The following PDGFD variants were observed in gnomAD, a reference collection of about 807,000 sequenced individuals.
PDGFD encodes the protein platelet-derived growth factor D.
A neutral mutation model predicts 44.7 loss-of-function variants in PDGFD; 30 were observed. The observed-to-expected ratio is 0.67, with a 90% CI of 0.50 to 0.91. The LOEUF (loss-of-function observed/expected upper bound fraction) is 0.91, where lower values mean the gene tolerates loss of function less well. PDGFD is among the 40% of genes least tolerant of loss of function. PDGFD has a pLI of 0.00. For missense variants in PDGFD, 445 were observed against 457.8 expected, an observed-to-expected ratio of 0.97 and a Z score of 0.25; for synonymous variants, 173 against 168.4, an observed-to-expected ratio of 1.03 and a Z score of -0.21.
chr11:104,037,516 G>A, intron 1 of PDGFD: 2 of 1,614,148 alleles, frequency 1.2e-6, no homozygotes, highest in Non-Finnish European at 1.7e-6. Context: ...TATAGCGATA[G>A]AAGAGGCCCC....
intron 1 of PDGFD, among the ~76,000 whole-genome samples, chr11:104,007,105 T>A (rs1264859574): frequency 6.6e-6 from 1 of 152,090 alleles, no homozygotes; most frequent in Non-Finnish European, 1.5e-5. Context: ...GGGGTTTGAG[T>A]GTGCATGACA....
intron 1 of PDGFD, among the ~76,000 whole-genome samples, chr11:104,065,885 A>T (rs1158873584): frequency 6.6e-6 from 1 of 152,192 alleles, no homozygotes; most frequent in African/African-American, 2.4e-5. Flanking sequence ...CATTATTTTT[A>T]AAATACTGAT....
Position 104,005,968 on chromosome 11 carries a change from C to T in PDGFD, c.125-5713G>A, listed in dbSNP as rs184246941. On this transcript the variant is annotated intron_variant, in intron 1 of 6. Transcript: ENST00000393158. ...TCACATCCTCATAAACTCTGAGGTA[C>T]GCATTTGACTTAAAAAAGGCAATTA... Among the ~76,000 whole-genome samples, 423 of 152,250 alleles carry T rather than the reference C, an allele frequency of 2.8e-3. 1 individual carries two copies. Among genetic ancestry groups the T allele is most frequent in the Non-Finnish European group, 5.4e-3 (365 of 68,034 alleles).
chr11:104,099,636 CAATAATAATAATAATAAT>C (rs72280494), intron 1 of PDGFD, among the ~76,000 whole-genome samples: 5 of 142,744 alleles, frequency 3.5e-5, no homozygotes, highest in South Asian at 2.3e-4. Context: ...GTTTCAAAAA[CAATAATAATAATAATAAT>C]AATAATAATA....
intron 1 of PDGFD, among the ~76,000 whole-genome samples, chr11:104,139,633 C>T (rs980467294): frequency 2.0e-5 from 3 of 152,172 alleles, no homozygotes; most frequent in Non-Finnish European, 2.9e-5. Flanking sequence ...ACTTTACTCA[C>T]AACATCATTG....
intron 1 of PDGFD, among the ~76,000 whole-genome samples, chr11:104,057,429 A>G (rs1203615819): frequency 6.6e-6 from 1 of 152,184 alleles, no homozygotes; most frequent in Non-Finnish European, 1.5e-5. Flanking sequence ...CAGGAACAGA[A>G]AAACAAATAC....
intron 6 of PDGFD, among the ~76,000 whole-genome samples, chr11:103,915,451 CACAA>C (rs1858106872): frequency 1.3e-5 from 2 of 152,090 alleles, no homozygotes; most frequent in Non-Finnish European, 2.9e-5. Flanking sequence ...TAAGAGAGGA[CACAA>C]ACAAATGGAA....
chr11:104,052,394 C>T (rs1366654908), intron 1 of PDGFD, among the ~76,000 whole-genome samples: 1 of 152,090 alleles, frequency 6.6e-6, no homozygotes, highest in Non-Finnish European at 1.5e-5. Flanking sequence ...AATTTTACTA[C>T]TGGGAAGGCT....
intron 2 of PDGFD, among the ~76,000 whole-genome samples, chr11:103,999,012 C>T (rs766278883): frequency 1.1e-4 from 17 of 151,920 alleles, no homozygotes; most frequent in Non-Finnish European, 2.2e-4. Flanking sequence ...ATGGAAAAGA[C>T]GCAAGATCAG....
intron 3 of PDGFD, among the ~76,000 whole-genome samples, chr11:103,967,378 A>G (rs1183822366): frequency 2.0e-5 from 3 of 152,154 alleles, no homozygotes; most frequent in Non-Finnish European, 2.9e-5. Flanking sequence ...TTGAACTCAA[A>G]TAACCCTTCT....
intron 3 of PDGFD, among the ~76,000 whole-genome samples, chr11:103,975,443 C>T (rs188036159): frequency 1.5e-3 from 223 of 152,128 alleles, no homozygotes; most frequent in African/African-American, 5.2e-3. Context: ...CTGTAGGTTG[C>T]CTGTTCACTC....
At chr11:104,111,851 G>C (rs1861563824) in intron 1 of PDGFD, among the ~76,000 whole-genome samples, 1 of 152,170 alleles carries the variant, frequency 6.6e-6, no homozygotes. Flanking sequence ...AAACAGGTCA[G>C]ATATTTAAAC....
rs548052664 is a variant in PDGFD at position 103,990,128 on chromosome 11, A to C, written c.510+5937T>G. 3.3e-5 allele frequency among the ~76,000 whole-genome samples: 5 copies of C among 152,218 alleles called. No individual in the cohort carries two copies. The East Asian group carries it at 7.7e-4, about 24-fold the overall frequency. On this transcript the variant is annotated intron_variant, in intron 3 of 6. Coordinates refer to ENST00000393158, the MANE Select transcript of PDGFD (RefSeq NM_025208.5). ...GGATGGTCTGAGATAAAGATAAGAAACCTTCCTCATCTTTGACTGAGAGAG... is the reference window on the plus strand; with the variant it reads ...GGATGGTCTGAGATAAAGATAAGAACCCTTCCTCATCTTTGACTGAGAGAG...
intron 1 of PDGFD, among the ~76,000 whole-genome samples, chr11:104,091,188 A>G (rs1250655144): frequency 6.6e-6 from 1 of 152,218 alleles, no homozygotes; most frequent in African/African-American, 2.4e-5. Context: ...CATACTATAG[A>G]AATAGTTTCA....
chr11:104,095,639 T>C (rs1861274077), intron 1 of PDGFD, among the ~76,000 whole-genome samples: 1 of 152,082 alleles, frequency 6.6e-6, no homozygotes, highest in Non-Finnish European at 1.5e-5. Context: ...TTTTTGGAGA[T>C]GAAGCACATT....
At chr11:104,015,830 TAAA>T (rs1859852018) in intron 1 of PDGFD, among the ~76,000 whole-genome samples, 2 of 152,314 alleles carry the variant, frequency 1.3e-5, no homozygotes, top group Admixed American at 6.5e-5. Flanking sequence ...CATTTTTGGT[TAAA>T]AACAGAGACA....
intron 1 of PDGFD, among the ~76,000 whole-genome samples, chr11:104,099,665 AT>A (rs1861341604): frequency 6.7e-6 from 1 of 149,232 alleles, no homozygotes; most frequent in African/African-American, 2.4e-5. Flanking sequence ...AATAATAATA[AT>A]AATAATAATA....
At chr11:104,007,969 T>C (rs1027314747) in intron 1 of PDGFD, among the ~76,000 whole-genome samples, 5 of 152,224 alleles carry the variant, frequency 3.3e-5, no homozygotes, top group Non-Finnish European at 5.9e-5. Flanking sequence ...ATTGTTTTGT[T>C]GTTACTTTAA....
intron 1 of PDGFD, among the ~76,000 whole-genome samples, chr11:104,061,195 A>G (rs1860710485): frequency 6.7e-6 from 1 of 149,690 alleles, no homozygotes; most frequent in Non-Finnish European, 1.5e-5. Flanking sequence ...TAGTTTATAG[A>G]AAATAACAGA....
Sources: allele counts gnomAD v4.1 joint callset (sites outside exome capture counted in the v4.1 genomes callset), GRCh38; gene constraint gnomAD v4.1.1; transcripts MANE v1.5; gene names NCBI Gene and HGNC (gene_info 2026-07-23, HGNC 2026-07-21).